The following ATF6 variants were observed in gnomAD, a reference collection of about 807,000 sequenced individuals.
ATF6 encodes the protein activating transcription factor 6.
In ATF6, 53 loss-of-function variants were observed where a neutral mutation model predicts 83.6. That is an observed-to-expected ratio of 0.63 (90% CI 0.51 to 0.80). The LOEUF is 0.80. Ranked by LOEUF, ATF6 falls within the 30% of genes least tolerant of loss-of-function variation. The pLI, the probability that ATF6 is intolerant of heterozygous loss-of-function variation, is 0.00. For missense variants in ATF6, 744 were observed against 797.9 expected (o/e 0.93, Z 0.81); for synonymous variants, 288 against 285.8 (o/e 1.01, Z -0.08).
At chr1:161,775,499 A>ACCTT (rs1304736891) in intron 1 of ATF6, among the ~76,000 whole-genome samples, 7 of 151,850 alleles carry the variant, frequency 4.6e-5, no homozygotes, top group African/African-American at 9.7e-5. Context: ...CTACCTACCT[A>ACCTT]CCTTCCTTCC....
At chr1:161,867,907 C>T (rs1025844239) in intron 14 of ATF6, among the ~76,000 whole-genome samples, 1 of 152,160 alleles carries the variant, frequency 6.6e-6, no homozygotes, top group Non-Finnish European at 1.5e-5. Context: ...TGGGTATGCA[C>T]CCCTTACTGG....
intron 14 of ATF6, among the ~76,000 whole-genome samples, chr1:161,894,924 CTG>C (rs911950660): frequency 2.6e-5 from 4 of 151,108 alleles, no homozygotes; most frequent in Non-Finnish European, 5.9e-5. Flanking sequence ...TAATAGATAA[CTG>C]TGTGATCAAT....
chr1:161,899,896 C>T (rs1222344661), intron 14 of ATF6, among the ~76,000 whole-genome samples: 1 of 152,104 alleles, frequency 6.6e-6, no homozygotes, highest in Non-Finnish European at 1.5e-5. Context: ...CAAAAAATGT[C>T]ATTTTGTTTA....
At chr1:161,796,731 T>G (rs971487693) in intron 6 of ATF6, among the ~76,000 whole-genome samples, 4 of 152,158 alleles carry the variant, frequency 2.6e-5, no homozygotes, top group Non-Finnish European at 5.9e-5. Flanking sequence ...CAGGATATTA[T>G]TTTATATTAA....
chr1:161,800,808 C>G (rs1366081634), intron 6 of ATF6, among the ~76,000 whole-genome samples: 1 of 152,160 alleles, frequency 6.6e-6, no homozygotes, highest in Non-Finnish European at 1.5e-5. Flanking sequence ...TGGATGACTT[C>G]TAAAAATGTT....
In ATF6 at chr1:161,851,777, T is replaced by A. The variant is rs1457535866; in HGVS notation, c.1375T>A (p.Leu459Met). The change falls in exon 11 of 16, where the codon TTG becomes ATG. Residue 459 changes from leucine to methionine, a missense_variant. By Grantham distance (15) the Leu-to-Met change is conservative. Coordinates refer to ENST00000367942, the MANE Select transcript of ATF6 (RefSeq NM_007348.4). Reference protein sequence around the residue: ...KALMVLTEEPLLYIPPPPCQP... With the variant: ...KALMVLTEEPMLYIPPPPCQP... ...CCTGATGGTGCTAACTGAAGAACCA[T>A]TGCTTTACATTCCTCCACCTCCTTG... The A allele has an allele frequency of 1.2e-6, 2 of 1,613,876 alleles. No individual in the cohort carries two copies. The highest frequency in any genetic ancestry group is 1.7e-6 in the Non-Finnish European group (2 of 1,179,902).
intron 2 of ATF6, among the ~76,000 whole-genome samples, chr1:161,780,251 AAATG>A (rs1457672233): frequency 6.6e-6 from 1 of 152,216 alleles, no homozygotes; most frequent in Non-Finnish European, 1.5e-5. Context: ...TTCTCAATAA[AAATG>A]AACCATATAG....
chr1:161,781,380 TACTC>T (rs1684632307), intron 2 of ATF6, among the ~76,000 whole-genome samples: 1 of 152,156 alleles, frequency 6.6e-6, no homozygotes, highest in Non-Finnish European at 1.5e-5. Context: ...AAAGGAAAAT[TACTC>T]AGTGATTCAT....
Position 161,860,288 on chromosome 1 carries a change from G to A in ATF6, c.1604+11G>A, listed in dbSNP as rs1424412150. 3.9e-6 allele frequency: 6 copies of A among 1,522,486 alleles called. No individual in the cohort carries two copies. The highest frequency in any genetic ancestry group is 5.3e-6 in the Non-Finnish European group (6 of 1,135,170). 94.3% of individuals were successfully genotyped at this position (1,522,486 alleles called of 1,614,324 possible). On this transcript the variant is annotated intron_variant, in intron 13 of 15. Coordinates refer to ENST00000367942, the MANE Select transcript of ATF6 (RefSeq NM_007348.4). ...CACTAGTAGTATCAGGTAAGACAGT[G>A]CAGAAGCTCTTGGCCAAGGAATTTA...
At chr1:161,773,448 T>C (rs1312107481) in intron 1 of ATF6, among the ~76,000 whole-genome samples, 1 of 152,042 alleles carries the variant, frequency 6.6e-6, no homozygotes, top group Admixed American at 6.5e-5. Flanking sequence ...GTATTTTTAG[T>C]AGAGATGGGG....
At chr1:161,780,803 G>C (rs1194540942) in intron 2 of ATF6, among the ~76,000 whole-genome samples, 1 of 151,984 alleles carries the variant, frequency 6.6e-6, no homozygotes, top group Non-Finnish European at 1.5e-5. Flanking sequence ...TCCATCTTTT[G>C]GACTCAAGCG....
At chr1:161,794,836 G>T (rs930226834) in intron 6 of ATF6, among the ~76,000 whole-genome samples, 8 of 151,804 alleles carry the variant, frequency 5.3e-5, no homozygotes, top group African/African-American at 1.9e-4. Flanking sequence ...TGAAAGCCTG[G>T]AATATCAATG....
chr1:161,837,760 G>C (rs1333971992), intron 9 of ATF6, among the ~76,000 whole-genome samples: 1 of 152,026 alleles, frequency 6.6e-6, no homozygotes, highest in African/African-American at 2.4e-5. Context: ...TGTGTGCTTG[G>C]GTAGTAAAGG....
intron 8 of ATF6, among the ~76,000 whole-genome samples, chr1:161,820,127 C>T (rs903738678): frequency 6.6e-6 from 1 of 150,900 alleles, no homozygotes; most frequent in Non-Finnish European, 1.5e-5. Context: ...CCATATTTTC[C>T]CTTTTAAAAA....
At chr1:161,832,055 C>T (rs1686077677) in intron 9 of ATF6, among the ~76,000 whole-genome samples, 1 of 151,616 alleles carries the variant, frequency 6.6e-6, no homozygotes, top group Admixed American at 6.6e-5. Context: ...AACCATACCA[C>T]CATGAATAAG....
intron 10 of ATF6, among the ~76,000 whole-genome samples, chr1:161,848,199 G>A (rs534159745): frequency 6.6e-6 from 1 of 151,908 alleles, no homozygotes; most frequent in Admixed American, 6.6e-5. Flanking sequence ...CAACTTGAGA[G>A]ATTTAAATAA....
At chr1:161,949,660 G>A (rs566193245) in intron 15 of ATF6, among the ~76,000 whole-genome samples, 40 of 152,324 alleles carry the variant, frequency 2.6e-4, no homozygotes, top group African/African-American at 9.6e-4. Flanking sequence ...GAGCCTGTGT[G>A]TGCAGAAATC....
At chr1:161,826,767 A>T (rs1166535358) in intron 9 of ATF6, among the ~76,000 whole-genome samples, 1 of 152,204 alleles carries the variant, frequency 6.6e-6, no homozygotes, top group Non-Finnish European at 1.5e-5. Context: ...ATTTATAAAA[A>T]CCAAGAACTA....
intron 15 of ATF6, among the ~76,000 whole-genome samples, chr1:161,939,485 T>C (rs1219184542): frequency 6.6e-6 from 1 of 152,254 alleles, no homozygotes; most frequent in Non-Finnish European, 1.5e-5. Flanking sequence ...TAGGCTACTA[T>C]GACAGAGGCC....
Sources: gnomAD v4.1 joint callset for allele counts (sites outside exome capture counted in the v4.1 genomes callset) on GRCh38, gnomAD v4.1.1 for gene constraint, MANE v1.5 for transcripts, NCBI Gene and HGNC (gene_info 2026-07-23, HGNC 2026-07-21) for gene names.